The following ABI3BP variants were observed in gnomAD, a reference collection of about 807,000 sequenced individuals.
The protein encoded by ABI3BP is ABI family member 3 binding protein, also known as target of Nesh-SH3.
In ABI3BP, 216 loss-of-function variants were observed where a neutral mutation model predicts 268.6. That is an observed-to-expected ratio of 0.80 (90% CI 0.72 to 0.90). ABI3BP has a LOEUF of 0.90. Among genes scored for constraint, ABI3BP ranks in the 40% least tolerant of loss-of-function variants. The pLI, the probability that ABI3BP is intolerant of heterozygous loss-of-function variation, is 0.00. For missense variants in ABI3BP, 2,090 were observed against 2,182.4 expected, an observed-to-expected ratio of 0.96 and a Z score of 0.84; for synonymous variants, 730 against 730.0, an observed-to-expected ratio of 1.00 and a Z score of 0.00.
rs748376449 is a variant in ABI3BP, at chr3:100,750,327, GATAA to G, written c.*164_*167del. On this transcript the variant is annotated 3_prime_UTR_variant, in exon 68 of 68. Coordinates refer to ENST00000471714, the MANE Select transcript of ABI3BP (RefSeq NM_001375547.2). ...TTCTTAAAATGACTTTGTAAAACCT[GATAA>G]ATACTCTCAGCAATCTTTTCTAATA... The G allele has an allele frequency of 6.0e-5, 31 of 519,122 alleles. No individual in the cohort carries two copies. The highest frequency in any genetic ancestry group is 4.9e-4 in the East Asian group (15 of 30,410). The allele number at this position is 519,122 out of a possible 1,614,324, so 32.2% of individuals were successfully genotyped here.
At chr3:100,858,314 A>T (rs2098961041) in intron 14 of ABI3BP, among the ~76,000 whole-genome samples, 1 of 152,224 alleles carries the variant, frequency 6.6e-6, no homozygotes, top group Admixed American at 6.5e-5. Context: ...CAAATAATGA[A>T]ATCACAAAAT....
intron 38 of ABI3BP, among the ~76,000 whole-genome samples, chr3:100,822,078 C>T (rs941217598): frequency 3.3e-5 from 5 of 152,074 alleles, no homozygotes; most frequent in Non-Finnish European, 7.4e-5. Context: ...ATTTACACAC[C>T]AAGCACATCT....
In ABI3BP at chr3:100,967,503, C is replaced by CA. The variant is rs5851238; in HGVS notation, c.79+25802dup. On this transcript the variant is annotated intron_variant, in intron 1 of 67. Transcript: ENST00000471714. ...TGGGTGACAGAGTGAGACTCCATCT[C>CA]AAAAAAAAAAAAAAAAAGAAATATT... Among the ~76,000 whole-genome samples, 75 of 114,064 alleles carry CA rather than the reference C, an allele frequency of 6.6e-4. 1 individual carries two copies. The highest frequency in any genetic ancestry group is 1.7e-3 in the African/African-American group (50 of 30,208). The allele number at this position is 114,064 out of a possible 152,430, so 74.8% of individuals were successfully genotyped here.
At position 100,810,403 on chromosome 3, in the gene ABI3BP, T is replaced by A; in HGVS notation, c.3607+9A>T. The A allele has an allele frequency of 6.5e-7, 1 of 1,528,688 alleles. No homozygotes were observed. The highest frequency in any genetic ancestry group is 8.8e-7 in the Non-Finnish European group (1 of 1,140,600). 94.7% of individuals were successfully genotyped at this position (1,528,688 alleles called of 1,614,324 possible). On this transcript the variant is annotated intron_variant, in intron 49 of 67. Coordinates refer to ENST00000471714, the MANE Select transcript of ABI3BP (RefSeq NM_001375547.2). ...ACCTCATATATGACATACAAAATAA[T>A]GTATTTACCAGGTTCAGTCTGAGGC...
intron 2 of ABI3BP, among the ~76,000 whole-genome samples, chr3:100,922,909 G>A (rs564481364): frequency 3.9e-5 from 6 of 152,142 alleles, no homozygotes; most frequent in East Asian, 1.9e-4. Context: ...AATAAGTCAC[G>A]GAAGACTATA....
chr3:100,759,999 A>G (rs2095852154), intron 63 of ABI3BP, among the ~76,000 whole-genome samples: 2 of 152,264 alleles, frequency 1.3e-5, no homozygotes, highest in South Asian at 2.1e-4. Flanking sequence ...TCATTCAGCC[A>G]GATTGACAGT....
rs1286808899 is a variant in ABI3BP, at chr3:100,773,100, GA to G, written c.4531+1504del. Among the ~76,000 whole-genome samples, 102 of 143,636 alleles carry G rather than the reference GA, an allele frequency of 7.1e-4. No individual in the cohort carries two copies. In the East Asian group the frequency reaches 0.014, roughly 20 times the overall value. 94.2% of individuals were successfully genotyped at this position (143,636 alleles called of 152,430 possible). A position where few individuals can be genotyped will look rare whatever the true frequency, so the allele number is the denominator to read the frequency against. On this transcript the variant is annotated intron_variant, in intron 61 of 67. Coordinates refer to ENST00000471714, the MANE Select transcript of ABI3BP (RefSeq NM_001375547.2). ...CTCAAAAAAAAAAAAAAAAAGAAAA[GA>G]AAAAGAAAAACTATTCTGAATAGCT...
In ABI3BP at chr3:100,878,960, C is replaced by A. The variant is rs150480895; in HGVS notation, c.697-2400G>T. ...GATGTTTTCATCTAAGTGCACAATG[C>A]GGGATGATTAAACCAAGCTAATTAC... On this transcript the variant is annotated intron_variant, in intron 6 of 67. Transcript: ENST00000471714. Among the ~76,000 whole-genome samples the A allele has an allele frequency of 3.9e-5, 6 of 152,276 alleles. No homozygotes were observed. The East Asian group carries it at 7.7e-4, about 20-fold the overall frequency.
At chr3:100,772,354 T>C (rs927678905) in intron 61 of ABI3BP, among the ~76,000 whole-genome samples, 1 of 152,230 alleles carries the variant, frequency 6.6e-6, no homozygotes, top group Non-Finnish European at 1.5e-5. Flanking sequence ...AATGTTTTTC[T>C]TATTATTTAT....
At chr3:100,898,142 T>C (rs564327662) in intron 4 of ABI3BP, among the ~76,000 whole-genome samples, 1 of 152,344 alleles carries the variant, frequency 6.6e-6, no homozygotes, top group African/African-American at 2.4e-5. Context: ...GGTAGCTTCA[T>C]TTCCAACTTG....
At chr3:100,908,201 A>G (rs975222033) in intron 2 of ABI3BP, among the ~76,000 whole-genome samples, 1 of 152,210 alleles carries the variant, frequency 6.6e-6, no homozygotes, top group African/African-American at 2.4e-5. Context: ...CTAACTCTGA[A>G]TAAATAAGAA....
chr3:100,925,779 G>T (rs369034663), intron 2 of ABI3BP, among the ~76,000 whole-genome samples: 25 of 152,074 alleles, frequency 1.6e-4, no homozygotes, highest in East Asian at 7.7e-4. Flanking sequence ...GCTCAAAAGT[G>T]ACCCACATCC....
chr3:100,814,463 C>A (rs925404502), intron 44 of ABI3BP, among the ~76,000 whole-genome samples: 2 of 152,034 alleles, frequency 1.3e-5, no homozygotes, highest in Non-Finnish European at 2.9e-5. Context: ...AATCCAAATC[C>A]TATAATTATT....
intron 62 of ABI3BP, among the ~76,000 whole-genome samples, chr3:100,768,382 C>T (rs1471509075): frequency 6.6e-6 from 1 of 152,120 alleles, no homozygotes; most frequent in Admixed American, 6.5e-5. Flanking sequence ...GCCACTGAGC[C>T]CGGCCTGGCT....
rs764659106 is a variant in ABI3BP at position 100,802,785 on chromosome 3, C to CGTCACTCAA, written c.3757+2006_3757+2007insTTGAGTGAC. On this transcript the variant is annotated intron_variant, in intron 51 of 67. Coordinates refer to ENST00000471714, the MANE Select transcript of ABI3BP (RefSeq NM_001375547.2). ...GTCCTGACCTCAGCACTACCTTTTA[C>CGTCACTCAA]ATTTTTAGACTTTTACAGAAGAGTT... Among the ~76,000 whole-genome samples, 73 of 147,848 alleles carry CGTCACTCAA rather than the reference C, an allele frequency of 4.9e-4. 3 individuals carry two copies. The highest frequency in any genetic ancestry group is 7.8e-4 in the Non-Finnish European group (51 of 65,090).
chr3:100,794,784 T>C, intron 54 of ABI3BP, 139 bp downstream of exon 54: 3 of 639,410 alleles, frequency 4.7e-6, no homozygotes, highest in Admixed American at 3.0e-5. Flanking sequence ...ACACAGTTAA[T>C]GTAAAAGTAT....
intron 1 of ABI3BP, among the ~76,000 whole-genome samples, chr3:100,958,240 T>C (rs1263543392): frequency 1.3e-5 from 2 of 152,156 alleles, no homozygotes; most frequent in African/African-American, 4.8e-5. Context: ...TTGAGAAATA[T>C]GTGGCTGGTG....
chr3:100,865,036 A>G (rs1025994137), intron 10 of ABI3BP, 129 bp from the exon 11 acceptor site: 1 of 723,394 alleles, frequency 1.4e-6, no homozygotes, highest in South Asian at 1.7e-5. Context: ...TTGTGTTACT[A>G]TGTAAAGAGC....
intron 21 of ABI3BP, among the ~76,000 whole-genome samples, chr3:100,841,149 T>C (rs1254661934): frequency 6.7e-6 from 1 of 148,414 alleles, no homozygotes; most frequent in Admixed American, 6.8e-5. Flanking sequence ...GCAGTTCATG[T>C]TATGAAGGAA....
Sources: allele counts gnomAD v4.1 joint callset (sites outside exome capture counted in the v4.1 genomes callset), GRCh38; gene constraint gnomAD v4.1.1; transcripts MANE v1.5; gene names NCBI Gene and HGNC (gene_info 2026-07-23, HGNC 2026-07-21).